ZEB1: variants seen among roughly 807,000 people sequenced by gnomAD.
The protein encoded by ZEB1 is zinc finger E-box binding homeobox 1, also known as zinc finger E-box-binding homeobox 1.
ZEB1 carries 21 observed loss-of-function variants against 84.9 expected under a neutral mutation model. The ratio of observed to expected loss-of-function variants is 0.25; its 90% confidence interval spans 0.18 to 0.36. The LOEUF (loss-of-function observed/expected upper bound fraction) is 0.36. Ranked by LOEUF, ZEB1 falls within the 10% of genes least tolerant of loss-of-function variation. The pLI is 1.00. For synonymous variants in ZEB1, 420 were observed against 471.1 expected, an observed-to-expected ratio of 0.89 and a Z score of 1.41; for missense variants, 1,104 against 1,330.2, an observed-to-expected ratio of 0.83 and a Z score of 2.65.
At chr10:31,494,888 G>A (rs2067005988) in intron 2 of ZEB1, among the ~76,000 whole-genome samples, 1 of 152,012 alleles carries the variant, frequency 6.6e-6, no homozygotes, top group African/African-American at 2.4e-5. Flanking sequence ...GAGGTAGCAA[G>A]GGAAGATGAC....
intron 1 of ZEB1, among the ~76,000 whole-genome samples, chr10:31,444,255 G>T: frequency 9.3e-6 from 1 of 107,216 alleles, no homozygotes; most frequent in Non-Finnish European, 1.9e-5. Flanking sequence ...CTTTTTGATG[G>T]GGTTGTTTGT....
intron 1 of ZEB1, among the ~76,000 whole-genome samples, chr10:31,404,974 C>T (rs2052710036): frequency 6.6e-6 from 1 of 152,096 alleles, no homozygotes; most frequent in Non-Finnish European, 1.5e-5. Flanking sequence ...TAATGTTCTG[C>T]TACTGCTATG....
intron 1 of ZEB1, among the ~76,000 whole-genome samples, chr10:31,436,244 G>C (rs916040955): frequency 6.6e-6 from 1 of 152,134 alleles, no homozygotes; most frequent in African/African-American, 2.4e-5. Flanking sequence ...TGATTATTAT[G>C]TATGTCCTTC....
At chr10:31,499,673 G>A (rs2067823600) in intron 3 of ZEB1, among the ~76,000 whole-genome samples, 1 of 152,056 alleles carries the variant, frequency 6.6e-6, no homozygotes, top group African/African-American at 2.4e-5. Flanking sequence ...GCTGAGGCGG[G>A]AGAATCGCTT....
intron 4 of ZEB1, among the ~76,000 whole-genome samples, chr10:31,507,333 A>G (rs1028164082): frequency 1.3e-5 from 2 of 152,060 alleles, no homozygotes; most frequent in Non-Finnish European, 2.9e-5. Context: ...AATTGTATCT[A>G]TTTGGGGGTG....
intron 1 of ZEB1, among the ~76,000 whole-genome samples, chr10:31,370,154 G>A (rs2134404989): frequency 6.6e-6 from 1 of 152,184 alleles, no homozygotes; most frequent in South Asian, 2.1e-4. Flanking sequence ...TATATTTCCT[G>A]TTTACAAATT....
intron 2 of ZEB1, among the ~76,000 whole-genome samples, chr10:31,494,169 C>A (rs564518142): frequency 1.3e-5 from 2 of 151,944 alleles, no homozygotes; most frequent in Non-Finnish European, 2.9e-5. Context: ...TTTAAGGAGA[C>A]ACATTGAAGC....
At chr10:31,470,182 C>A (rs2063024127) in intron 2 of ZEB1, among the ~76,000 whole-genome samples, 1 of 152,234 alleles carries the variant, frequency 6.6e-6, no homozygotes, top group African/African-American at 2.4e-5. Flanking sequence ...GAACGCAATT[C>A]CTCACCAGCA....
intron 1 of ZEB1, among the ~76,000 whole-genome samples, chr10:31,369,135 A>G (rs1368983560): frequency 3.3e-5 from 5 of 152,202 alleles, no homozygotes; most frequent in Admixed American, 2.6e-4. Context: ...ATGGGGTACA[A>G]TGTGATGTTT....
intron 1 of ZEB1, among the ~76,000 whole-genome samples, chr10:31,347,241 C>T (rs1202969254): frequency 6.6e-6 from 1 of 152,178 alleles, no homozygotes; most frequent in Admixed American, 6.5e-5. Context: ...ATTCTCTCTC[C>T]CTGTGTAACT....
At chr10:31,508,806 G>A (rs2069436825) in intron 4 of ZEB1, among the ~76,000 whole-genome samples, 1 of 152,126 alleles carries the variant, frequency 6.6e-6, no homozygotes, top group East Asian at 1.9e-4. Context: ...CCATAGGGAG[G>A]GAGCTGGGAA....
intron 2 of ZEB1, among the ~76,000 whole-genome samples, chr10:31,472,434 A>G (rs1217052610): frequency 6.6e-6 from 1 of 152,218 alleles, no homozygotes; most frequent in Non-Finnish European, 1.5e-5. Context: ...AAATACCTCT[A>G]TGCAAATAAA....
intron 1 of ZEB1, among the ~76,000 whole-genome samples, chr10:31,434,693 C>T (rs918225172): frequency 2.0e-5 from 3 of 152,028 alleles, no homozygotes; most frequent in African/African-American, 7.3e-5. Flanking sequence ...TGACCAAAGA[C>T]CTAATGATAG....
At position 31,529,562 on chromosome 10, in the gene ZEB1, C is replaced by G. The variant is rs1457275712; in HGVS notation, c.*2298C>G. On this transcript the variant is annotated 3_prime_UTR_variant, in exon 9 of 9. Transcript: ENST00000424869. ...TTCCTTCCCCACTAGGAACAGGAAC[C>G]ACATTTGTCATAGTCACTCTCACAT... The G allele has an allele frequency of 6.6e-6, 1 of 152,196 alleles. No individual in the cohort carries two copies. Among genetic ancestry groups the G allele is most frequent in the African/African-American group, 2.4e-5 (1 of 41,430 alleles). The allele number at this position is 152,196 out of a possible 1,614,324, so 9.4% of individuals were successfully genotyped here.
chr10:31,494,762 A>G (rs1165642755), intron 2 of ZEB1, among the ~76,000 whole-genome samples: 1 of 152,032 alleles, frequency 6.6e-6, no homozygotes, highest in Non-Finnish European at 1.5e-5. Context: ...TATAATAAAT[A>G]AAATGTACCT....
At chr10:31,332,680 T>C (rs1382017265) in intron 1 of ZEB1, among the ~76,000 whole-genome samples, 1 of 152,212 alleles carries the variant, frequency 6.6e-6, no homozygotes, top group Non-Finnish European at 1.5e-5. Context: ...GGTTATGCTG[T>C]ATACTACAAG....
chr10:31,443,275 T>A (rs1004576669), intron 1 of ZEB1, among the ~76,000 whole-genome samples: 1 of 152,206 alleles, frequency 6.6e-6, no homozygotes, highest in African/African-American at 2.4e-5. Flanking sequence ...TTTAGTCATA[T>A]GTGTTGCACA....
At chr10:31,455,856 T>A (rs1290594418) in intron 1 of ZEB1, among the ~76,000 whole-genome samples, 2 of 152,140 alleles carry the variant, frequency 1.3e-5, no homozygotes, top group African/African-American at 2.4e-5. Flanking sequence ...TGGCGATTCC[T>A]CAAGGATCTA....
intron 2 of ZEB1, among the ~76,000 whole-genome samples, chr10:31,476,690 A>T (rs2064247595): frequency 6.6e-6 from 1 of 152,124 alleles, no homozygotes; most frequent in Admixed American, 6.6e-5. Context: ...TTTATCGCAC[A>T]TCAAAAACAA....
Sources: gnomAD v4.1 joint callset for allele counts (sites outside exome capture counted in the v4.1 genomes callset) on GRCh38, gnomAD v4.1.1 for gene constraint, MANE v1.5 for transcripts, NCBI Gene and HGNC (gene_info 2026-07-23, HGNC 2026-07-21) for gene names.